Variants in CACNA2D3 observed in about 807,000 individuals in gnomAD.
CACNA2D3 encodes voltage-dependent calcium channel subunit alpha-2/delta-3.
CACNA2D3 carries 60 observed loss-of-function variants against 160.6 expected under a neutral mutation model. The ratio of observed to expected loss-of-function variants is 0.37; its 90% CI spans 0.30 to 0.46. The LOEUF (loss-of-function observed/expected upper bound fraction) is 0.46, where lower values mean the gene tolerates loss of function less well. Ranked by LOEUF, CACNA2D3 falls within the 20% of genes least tolerant of loss-of-function variation. CACNA2D3 has a pLI of 1.00. For missense variants in CACNA2D3, 1,205 were observed against 1,365.0 expected, an observed-to-expected ratio of 0.88 and a Z score of 1.85; for synonymous variants, 558 against 492.9, an observed-to-expected ratio of 1.13 and a Z score of -1.75.
intron 11 of CACNA2D3, among the ~76,000 whole-genome samples, chr3:54,662,235 A>C (rs1699987444): frequency 2.0e-5 from 3 of 152,000 alleles, no homozygotes; most frequent in Admixed American, 6.5e-5. Flanking sequence ...CCTCTATGCT[A>C]CTGAGGACTG....
At chr3:54,203,556 G>T (rs1309027357) in intron 2 of CACNA2D3, among the ~76,000 whole-genome samples, 1 of 152,200 alleles carries the variant, frequency 6.6e-6, no homozygotes, top group African/African-American at 2.4e-5. Context: ...ACATGAGCTT[G>T]GAAAATGAGG....
At chr3:54,661,838 ATGTGTGTATGTGTGTGTGTGTG>A (rs1381910206) in intron 11 of CACNA2D3, among the ~76,000 whole-genome samples, 2,914 of 146,784 alleles carry the variant, frequency 0.02, 52 homozygotes, top group Middle Eastern at 0.066. Flanking sequence ...CATCTCAGGG[ATGTGTGTATGTGTGTGTGTGTG>A]TGTGTGTGTG....
chr3:54,135,351 C>T (rs1226612470), intron 2 of CACNA2D3, among the ~76,000 whole-genome samples: 1 of 152,202 alleles, frequency 6.6e-6, no homozygotes, highest in African/African-American at 2.4e-5. Flanking sequence ...CAGGCATCTT[C>T]ATGCAGGAGG....
intron 34 of CACNA2D3, among the ~76,000 whole-genome samples, chr3:55,010,556 A>G (rs770197432): frequency 2.0e-5 from 3 of 152,068 alleles, no homozygotes; most frequent in Non-Finnish European, 4.4e-5. Context: ...TATTTCTCAG[A>G]TACACTCTGT....
At chr3:54,279,570 T>G (rs1702822944) in intron 2 of CACNA2D3, among the ~76,000 whole-genome samples, 1 of 152,204 alleles carries the variant, frequency 6.6e-6, no homozygotes, top group African/African-American at 2.4e-5. Flanking sequence ...TGTCTCCTTG[T>G]GGCGCAGGAA....
chr3:54,471,879 T>C (rs1025955151), intron 4 of CACNA2D3, among the ~76,000 whole-genome samples: 4 of 152,118 alleles, frequency 2.6e-5, no homozygotes, highest in African/African-American at 9.7e-5. Flanking sequence ...AACAGAGTAG[T>C]AACAAGTTCT....
chr3:54,592,936 T>C (rs1702888712), intron 9 of CACNA2D3, among the ~76,000 whole-genome samples: 1 of 152,186 alleles, frequency 6.6e-6, no homozygotes, highest in South Asian at 2.1e-4. Context: ...TCCTACCTTC[T>C]CTGGCCTTAT....
At chr3:54,488,957 T>G (rs1264681986) in intron 4 of CACNA2D3, among the ~76,000 whole-genome samples, 1 of 151,766 alleles carries the variant, frequency 6.6e-6, no homozygotes, top group Non-Finnish European at 1.5e-5. Flanking sequence ...GGAACCAGGA[T>G]TGTGTGAGCA....
intron 17 of CACNA2D3, among the ~76,000 whole-genome samples, chr3:54,867,412 C>T (rs1245360791): frequency 6.6e-6 from 1 of 151,486 alleles, no homozygotes; most frequent in Non-Finnish European, 1.5e-5. Flanking sequence ...TTTGTGAATA[C>T]TTCACATAAC....
intron 2 of CACNA2D3, among the ~76,000 whole-genome samples, chr3:54,293,432 A>G (rs1460147708): frequency 3.3e-5 from 5 of 152,016 alleles, no homozygotes; most frequent in African/African-American, 1.2e-4. Context: ...GCTCCCATTT[A>G]TGAGTGAGAA....
chr3:54,935,947 C>T (rs1266984978), intron 27 of CACNA2D3, among the ~76,000 whole-genome samples: 1 of 152,094 alleles, frequency 6.6e-6, no homozygotes, highest in African/African-American at 2.4e-5. Flanking sequence ...TTTGTGAGTC[C>T]AATCATTTCA....
At chr3:54,623,848 A>G (rs1317873196) in intron 9 of CACNA2D3, among the ~76,000 whole-genome samples, 3 of 152,228 alleles carry the variant, frequency 2.0e-5, no homozygotes, top group African/African-American at 4.8e-5. Context: ...TAAATTCTAC[A>G]TGTGGCTCAA....
intron 2 of CACNA2D3, among the ~76,000 whole-genome samples, chr3:54,215,484 C>T (rs1295104558): frequency 1.3e-5 from 2 of 152,182 alleles, no homozygotes; most frequent in East Asian, 1.9e-4. Context: ...TATCAGTCCC[C>T]CCATTGCCTA....
chr3:54,770,236 C>T (rs1242742282), intron 13 of CACNA2D3, among the ~76,000 whole-genome samples: 1 of 152,176 alleles, frequency 6.6e-6, no homozygotes, highest in Non-Finnish European at 1.5e-5. Flanking sequence ...GTGGTATTTA[C>T]ATTTACAAAA....
intron 35 of CACNA2D3, among the ~76,000 whole-genome samples, chr3:55,052,188 C>A (rs902732284): frequency 1.3e-5 from 2 of 152,108 alleles, no homozygotes; most frequent in Non-Finnish European, 2.9e-5. Flanking sequence ...TCCTCTTTGA[C>A]CTTGAGGTTA....
chr3:54,184,794 C>G (rs1260571080), intron 2 of CACNA2D3, among the ~76,000 whole-genome samples: 2 of 152,196 alleles, frequency 1.3e-5, no homozygotes, highest in African/African-American at 4.8e-5. Flanking sequence ...GAGGTTGCCT[C>G]TGGAACTGAA....
At chr3:54,811,698 G>A (rs1197295812) in intron 13 of CACNA2D3, among the ~76,000 whole-genome samples, 3 of 151,608 alleles carry the variant, frequency 2.0e-5, no homozygotes, top group Non-Finnish European at 2.9e-5. Context: ...ACAGGGTTTC[G>A]CCATGTTGGC....
chr3:54,333,703 AG>A (rs1704317421), intron 3 of CACNA2D3, among the ~76,000 whole-genome samples: 1 of 151,996 alleles, frequency 6.6e-6, no homozygotes, highest in African/African-American at 2.4e-5. Flanking sequence ...CCTGTGTTTA[AG>A]GGAAGCAAAG....
chr3:54,788,558 G>A (rs892363457), intron 13 of CACNA2D3, among the ~76,000 whole-genome samples: 2 of 152,194 alleles, frequency 1.3e-5, no homozygotes. Flanking sequence ...CTGAGGAACT[G>A]ACCTTTGTCC....
Sources: gnomAD v4.1 joint callset for allele counts (sites outside exome capture counted in the v4.1 genomes callset) on GRCh38, gnomAD v4.1.1 for gene constraint, MANE v1.5 for transcripts, NCBI Gene and HGNC (gene_info 2026-07-23, HGNC 2026-07-21) for gene names.